SHC3: variants seen among roughly 807,000 people sequenced by gnomAD.
The protein encoded by SHC3 is SHC-transforming protein 3.
In SHC3, 15 loss-of-function variants were observed where a neutral mutation model predicts 60.4. The observed-to-expected ratio is 0.25, with a 90% CI of 0.17 to 0.38. The LOEUF is 0.38. Ranked by LOEUF, SHC3 falls within the 10% of genes least tolerant of loss-of-function variation. The pLI, the probability that SHC3 is intolerant of heterozygous loss-of-function variation, is 1.00. For synonymous variants in SHC3, 294 were observed against 325.9 expected, an observed-to-expected ratio of 0.90 and a Z score of 1.05; for missense variants, 677 against 786.1, an observed-to-expected ratio of 0.86 and a Z score of 1.66.
At chr9:89,048,865 C>T (rs1824816219) in intron 7 of SHC3, among the ~76,000 whole-genome samples, 1 of 152,116 alleles carries the variant, frequency 6.6e-6, no homozygotes, top group Admixed American at 6.5e-5. Flanking sequence ...CGGATAGTAC[C>T]CTGCGGGACA....
chr9:89,154,741 C>T (rs576544702), intron 1 of SHC3, among the ~76,000 whole-genome samples: 1 of 152,090 alleles, frequency 6.6e-6, no homozygotes, highest in Non-Finnish European at 1.5e-5. Flanking sequence ...ATCAATCTTA[C>T]GTACGACAAG....
intron 1 of SHC3, among the ~76,000 whole-genome samples, chr9:89,154,665 AT>A (rs1034925172): frequency 2.0e-5 from 3 of 152,258 alleles, no homozygotes; most frequent in Admixed American, 2.0e-4. Context: ...ATTAATATAA[AT>A]GCCATATAGG....
intron 2 of SHC3, among the ~76,000 whole-genome samples, chr9:89,091,887 A>G (rs1825626790): frequency 6.6e-6 from 1 of 152,250 alleles, no homozygotes. Context: ...CATACAAAAT[A>G]TGCAAAAACT....
At chr9:89,124,090 A>G (rs1318093166) in intron 1 of SHC3, among the ~76,000 whole-genome samples, 1 of 152,168 alleles carries the variant, frequency 6.6e-6, no homozygotes, top group African/African-American at 2.4e-5. Context: ...AAAAAAAAAA[A>G]GCTCATCATC....
At chr9:89,074,569 C>T (rs1825324114) in intron 4 of SHC3, among the ~76,000 whole-genome samples, 1 of 151,956 alleles carries the variant, frequency 6.6e-6, no homozygotes, top group Non-Finnish European at 1.5e-5. Flanking sequence ...AACACTGTGG[C>T]TGTGGTGTCT....
intron 1 of SHC3, among the ~76,000 whole-genome samples, chr9:89,130,096 A>C (rs551192479): frequency 6.6e-6 from 1 of 152,170 alleles, no homozygotes. Flanking sequence ...AACAAACAAA[A>C]AAAAGCAGGG....
At chr9:89,052,290 C>A in intron 6 of SHC3, 127 bp from the exon 7 acceptor site, 5 of 1,132,438 alleles carry the variant, frequency 4.4e-6, no homozygotes, top group Non-Finnish European at 4.9e-6. Context: ...TATGTCCTAG[C>A]AGATCCAACC....
At chr9:89,157,839 T>G (rs909448694) in intron 1 of SHC3, among the ~76,000 whole-genome samples, 3 of 152,060 alleles carry the variant, frequency 2.0e-5, no homozygotes, top group Non-Finnish European at 2.9e-5. Flanking sequence ...CCAGGCTGGC[T>G]TCAAACTCTG....
At chr9:89,132,154 TC>T (rs1327527424) in intron 1 of SHC3, among the ~76,000 whole-genome samples, 4 of 152,186 alleles carry the variant, frequency 2.6e-5, no homozygotes, top group Non-Finnish European at 1.5e-5. Flanking sequence ...GAACTCCCAT[TC>T]ACAATTGCTT....
rs1587773727 is a variant in SHC3, at chr9:89,178,224, C to G, written c.237G>C (p.Ser79=). ...CGGCCGACGACAGGCCGCGGAGGCC[C>G]GAGCTGGAGAGTTTCAGGTGGGACA... is the stretch of plus-strand genomic sequence containing the variant. ...HKVSHLKLSS[S]GLRGLSSAAR... is the part of the protein sequence containing the mutation. Residue 79 remains serine (S), a synonymous_variant, in exon 1 of 12, where the codon TCG becomes TCC. Coordinates refer to ENST00000375835, the MANE Select transcript of SHC3 (RefSeq NM_016848.6). The surrounding 1 kb of genome is among the most constrained non-coding windows in gnomAD (Gnocchi z 6.9). 3 of 1,468,200 alleles carry G rather than the reference C, an allele frequency of 2.0e-6. No homozygotes were observed. Among genetic ancestry groups the G allele is most frequent in the Non-Finnish European group, 2.7e-6 (3 of 1,109,566 alleles). 90.9% of individuals were successfully genotyped at this position (1,468,200 alleles called of 1,614,324 possible).
In SHC3 at chr9:89,056,373, A is replaced by T. The variant is rs1175078760; in HGVS notation, c.836-4210T>A. Among the ~76,000 whole-genome samples the T allele has an allele frequency of 2.0e-5, 3 of 152,062 alleles. No homozygotes were observed. The East Asian group carries it at 5.8e-4, about 29-fold the overall frequency. On this transcript the variant is annotated intron_variant, in intron 6 of 11. Coordinates refer to ENST00000375835, the MANE Select transcript of SHC3 (RefSeq NM_016848.6). ...GCCATTCTCCTGCCTCAGCCTCCCG[A>T]GTAGGTGGGATTACGGGCACCCACC...
rs931770407 is a variant in SHC3, at chr9:89,012,169, C to A, written c.*1278G>T. 3 of 152,242 alleles carry A rather than the reference C, an allele frequency of 2.0e-5. No homozygotes were observed. The highest frequency in any genetic ancestry group is 7.2e-5 in the African/African-American group (3 of 41,454). 9.4% of individuals were successfully genotyped at this position (152,242 alleles called of 1,614,324 possible). A position where few individuals can be genotyped will look rare whatever the true frequency, so the allele number is the denominator to read the frequency against. On this transcript the variant is annotated 3_prime_UTR_variant, in exon 12 of 12. Transcript: ENST00000375835. ...TTCTTTAAAGGGCATCTGTGAAAAT[C>A]ACAGGGCAATCTCAGCCCAGATAGT... is the stretch of plus-strand genomic sequence containing the variant.
At chr9:89,065,865 A>T (rs1825170526) in intron 5 of SHC3, among the ~76,000 whole-genome samples, 1 of 152,172 alleles carries the variant, frequency 6.6e-6, no homozygotes, top group Non-Finnish European at 1.5e-5. Context: ...GCAGTGTCTC[A>T]GTATCCCACC....
rs1587721087 is a variant in SHC3, at chr9:89,090,106, T to G, written c.546-12203A>C. On this transcript the variant is annotated intron_variant, in intron 2 of 11. Transcript: ENST00000375835. ...GCATCTCATTTGATTTCTATGACAG[T>G]AGGAGATGTGGATGTTGCCCTTACT... Among the ~76,000 whole-genome samples, 8 of 152,162 alleles carry G rather than the reference T, an allele frequency of 5.3e-5. No individual in the cohort carries two copies. The South Asian group carries it at 1.7e-3, about 32-fold the overall frequency.
chr9:89,069,201 C>T (rs1825231344), intron 5 of SHC3, among the ~76,000 whole-genome samples: 1 of 152,072 alleles, frequency 6.6e-6, no homozygotes, highest in South Asian at 2.1e-4. Context: ...CCCAGCTACC[C>T]ATGAGGCTGA....
chr9:89,031,718 G>A (rs756876531), intron 11 of SHC3, among the ~76,000 whole-genome samples: 8 of 151,250 alleles, frequency 5.3e-5, no homozygotes, highest in South Asian at 4.1e-4. Flanking sequence ...AAGTTTTTGC[G>A]TGGGAATGGG....
chr9:89,150,111 CG>C, intron 1 of SHC3, among the ~76,000 whole-genome samples: 1 of 152,176 alleles, frequency 6.6e-6, no homozygotes, highest in East Asian at 1.9e-4. Flanking sequence ...TAGTTATTGT[CG>C]TTAATCCCTT....
At chr9:89,153,130 C>T (rs936974910) in intron 1 of SHC3, among the ~76,000 whole-genome samples, 1 of 152,056 alleles carries the variant, frequency 6.6e-6, no homozygotes, top group Non-Finnish European at 1.5e-5. Context: ...GTATGTTGTG[C>T]TCAGTAAAAA....
chr9:89,006,289 G>A lies in SHC3; in HGVS notation c.*7158C>T, dbSNP rs911578666. On this transcript the variant is annotated 3_prime_UTR_variant, in exon 12 of 12. Transcript: ENST00000375835. ...TTCCTGACAGAGTGAAGGAATCCCT[G>A]TGGATTTATCAAAAGGGAGGAGGGA... 6.6e-6 allele frequency: 1 copy of A among 152,198 alleles called. No individual in the cohort carries two copies. Among genetic ancestry groups the A allele is most frequent in the African/African-American group, 2.4e-5 (1 of 41,440 alleles). The allele number at this position is 152,198 out of a possible 1,614,324, so 9.4% of individuals were successfully genotyped here. A position where few individuals can be genotyped will look rare whatever the true frequency, so the allele number is the denominator to read the frequency against.
Sources: gnomAD v4.1 joint callset for allele counts (sites outside exome capture counted in the v4.1 genomes callset) on GRCh38, gnomAD v4.1.1 for gene constraint, Gnocchi (gnomAD v3.1) non-coding constraint, MANE v1.5 for transcripts, NCBI Gene and HGNC (gene_info 2026-07-23, HGNC 2026-07-21) for gene names.